The following LRRC49 variants were observed in gnomAD, a reference collection of about 807,000 sequenced individuals.
LRRC49 encodes the protein leucine-rich repeat-containing protein 49.
A neutral mutation model predicts 83.3 loss-of-function variants in LRRC49; 50 were observed. The observed-to-expected ratio is 0.60, with a 90% CI of 0.48 to 0.76. LRRC49 has a LOEUF of 0.76. Among genes scored for constraint, LRRC49 ranks in the 30% least tolerant of loss-of-function variants. The probability of loss-of-function intolerance (pLI) is 0.00; values close to 1 mark genes in which losing one functional copy is unlikely to be tolerated. For missense variants in LRRC49, 704 were observed against 809.1 expected (o/e 0.87, Z 1.58); for synonymous variants, 286 against 283.3 (o/e 1.01, Z -0.10).
At chr15:70,997,709 C>T (rs944900911) in intron 11 of LRRC49, among the ~76,000 whole-genome samples, 1 of 152,162 alleles carries the variant, frequency 6.6e-6, no homozygotes, top group African/African-American at 2.4e-5. Flanking sequence ...CAAGATTGTG[C>T]CATTGCACTC....
chr15:70,972,538 T>C (rs995719204), intron 9 of LRRC49, among the ~76,000 whole-genome samples: 15 of 152,364 alleles, frequency 9.8e-5, no homozygotes, highest in Non-Finnish European at 2.1e-4. Context: ...CCTGTCTTGC[T>C]AGGTTGGGGA....
chr15:71,036,830 G>A (rs141830914), intron 14 of LRRC49, among the ~76,000 whole-genome samples: 81 of 152,150 alleles, frequency 5.3e-4, no homozygotes, highest in African/African-American at 1.9e-3. Flanking sequence ...ATGTTTTATG[G>A]GACATGAAGA....
chr15:70,924,520 A>G (rs1264028722), intron 7 of LRRC49, among the ~76,000 whole-genome samples: 1 of 152,000 alleles, frequency 6.6e-6, no homozygotes, highest in Non-Finnish European at 1.5e-5. Flanking sequence ...CTACACTCTT[A>G]TCAGATAAGG....
At chr15:70,960,421 A>G (rs927224437) in intron 8 of LRRC49, among the ~76,000 whole-genome samples, 7 of 152,210 alleles carry the variant, frequency 4.6e-5, no homozygotes, top group South Asian at 2.1e-4. Context: ...TGATATAACA[A>G]TCTTACAGGG....
intron 3 of LRRC49, among the ~76,000 whole-genome samples, chr15:70,896,996 T>C (rs2033867290): frequency 6.6e-6 from 1 of 152,214 alleles, no homozygotes; most frequent in South Asian, 2.1e-4. Context: ...AAAGCAAGTA[T>C]TGTGTGCCGA....
rs1439594328 is a variant in LRRC49 at position 70,904,672 on chromosome 15, G to A, written c.417G>A (p.Leu139=). The change falls in exon 5 of 16, where the codon TTG becomes TTA. Residue 139 remains leucine, a synonymous_variant. Coordinates refer to ENST00000260382, the MANE Select transcript of LRRC49 (RefSeq NM_017691.5). The stretch of plus-strand genomic sequence containing the variant: ...CTAATCTACAGAAGTTAATATCGTT[G>A]GATTTATATGATAACCAGATTGAAG... ...NISNLQKLIS[L]DLYDNQIEEI... 1 of 1,613,092 alleles carries A rather than the reference G, an allele frequency of 6.2e-7. No homozygotes were observed. Among genetic ancestry groups the A allele is most frequent in the Non-Finnish European group, 8.5e-7 (1 of 1,179,242 alleles).
chr15:70,959,259 G>A (rs1385314534), intron 8 of LRRC49, among the ~76,000 whole-genome samples: 2 of 152,236 alleles, frequency 1.3e-5, no homozygotes, highest in East Asian at 3.9e-4. Flanking sequence ...CTGGGAGGCC[G>A]AGGCGGGCGG....
chr15:70,933,086 C>A (rs2035471775), intron 7 of LRRC49, among the ~76,000 whole-genome samples: 1 of 152,074 alleles, frequency 6.6e-6, no homozygotes, highest in East Asian at 1.9e-4. Flanking sequence ...CAGAGTAGGA[C>A]AAGCATTTTT....
Position 71,053,512 on chromosome 15 carries a change from G to A in LRRC49, c.*3900G>A, listed in dbSNP as rs2040759444. On this transcript the variant is annotated 3_prime_UTR_variant, in exon 16 of 16. Coordinates refer to ENST00000260382, the MANE Select transcript of LRRC49 (RefSeq NM_017691.5). Reference sequence around the variant, plus strand: ...GATGGTTGTTAAATATCCAAGTGCAGGTGTTAAGTAGGTGTGAATATGAGT... The same window carrying A: ...GATGGTTGTTAAATATCCAAGTGCAAGTGTTAAGTAGGTGTGAATATGAGT... The A allele has an allele frequency of 6.6e-6, 1 of 152,232 alleles. No homozygotes were observed. The highest frequency in any genetic ancestry group is 1.5e-5 in the Non-Finnish European group (1 of 68,060). 9.4% of individuals were successfully genotyped at this position (152,232 alleles called of 1,614,324 possible).
rs563958228 is a variant in LRRC49 at position 70,893,792 on chromosome 15, C to T, written c.105+152C>T. 9 of 608,776 alleles carry T rather than the reference C, an allele frequency of 1.5e-5. No individual in the cohort carries two copies. In the East Asian group the frequency reaches 2.7e-4, roughly 18 times the overall value. The allele number at this position is 608,776 out of a possible 1,614,324, so 37.7% of individuals were successfully genotyped here. On this transcript the variant is annotated intron_variant, in intron 2 of 15. Coordinates refer to ENST00000260382, the MANE Select transcript of LRRC49 (RefSeq NM_017691.5). Reference sequence around the variant, plus strand: ...TTTAAAGCTAGTTCTTACTTTCTGCCTACATAAAGCTAAAATAGCCCTCTT... The same window carrying T: ...TTTAAAGCTAGTTCTTACTTTCTGCTTACATAAAGCTAAAATAGCCCTCTT...
At chr15:70,928,421 C>G (rs1028608731) in intron 7 of LRRC49, among the ~76,000 whole-genome samples, 1 of 151,800 alleles carries the variant, frequency 6.6e-6, no homozygotes, top group South Asian at 2.1e-4. Flanking sequence ...TTTATTTTCC[C>G]CAAGTGCTGA....
intron 11 of LRRC49, among the ~76,000 whole-genome samples, chr15:71,002,939 CTTTTTTTTTTTT>C (rs35998597): frequency 1.2e-4 from 5 of 43,036 alleles, no homozygotes; most frequent in South Asian, 1.4e-3. Flanking sequence ...ATTTTCTGGC[CTTTTTTTTTTTT>C]TTTTTTTTTT....
chr15:70,918,538 C>G (rs1302208722), intron 6 of LRRC49: 1 of 152,256 alleles, frequency 6.6e-6, no homozygotes, highest in African/African-American at 2.4e-5. Flanking sequence ...ACCTCATCTT[C>G]TACTGGGAAT....
Position 70,926,675 on chromosome 15 carries a change from C to T in LRRC49, c.711+7482C>T, listed in dbSNP as rs563193348. 9.2e-5 allele frequency among the ~76,000 whole-genome samples: 14 copies of T among 152,152 alleles called. No homozygotes were observed. In the South Asian group the frequency reaches 2.3e-3, roughly 25 times the overall value. ...TAATGATATCCCTACCCCTTCCCCC[C>T]ACCCCACAACAGGCCCCAGTGTGTG... On this transcript the variant is annotated intron_variant, in intron 7 of 15. Transcript: ENST00000260382.
intron 11 of LRRC49, among the ~76,000 whole-genome samples, chr15:71,005,696 A>C (rs1164812302): frequency 6.6e-6 from 1 of 152,180 alleles, no homozygotes; most frequent in East Asian, 1.9e-4. Context: ...CAGATGATTT[A>C]GTGGCATGTG....
intron 9 of LRRC49, among the ~76,000 whole-genome samples, chr15:70,967,726 G>A (rs1352355468): frequency 6.6e-6 from 1 of 152,046 alleles, no homozygotes; most frequent in Non-Finnish European, 1.5e-5. Context: ...AAACTACTCA[G>A]TTTGCCCATT....
intron 7 of LRRC49, chr15:70,936,411 A>AT (rs1256389325): frequency 5.2e-6 from 1 of 192,584 alleles, no homozygotes; most frequent in Admixed American, 6.0e-5. Flanking sequence ...TTTAACAGTG[A>AT]TTTTTAACAA....
chr15:71,001,785 A>G (rs374158336), intron 11 of LRRC49, among the ~76,000 whole-genome samples: 37 of 151,834 alleles, frequency 2.4e-4, no homozygotes, highest in Middle Eastern at 3.4e-3. Context: ...TCTGCCTCCC[A>G]GGTTCACACC....
At chr15:71,027,718 T>C (rs1201774484) in intron 14 of LRRC49, among the ~76,000 whole-genome samples, 2 of 152,226 alleles carry the variant, frequency 1.3e-5, no homozygotes, top group African/African-American at 4.8e-5. Context: ...TGAATGGTAG[T>C]TCACTCATGA....
Sources: gnomAD v4.1 joint callset for allele counts (sites outside exome capture counted in the v4.1 genomes callset) on GRCh38, gnomAD v4.1.1 for gene constraint, MANE v1.5 for transcripts, NCBI Gene and HGNC (gene_info 2026-07-23, HGNC 2026-07-21) for gene names.